PDHX: variants seen among roughly 807,000 people sequenced by gnomAD.
PDHX encodes pyruvate dehydrogenase protein X component, mitochondrial.
A neutral mutation model predicts 55.3 loss-of-function variants in PDHX; 33 were observed. The observed-to-expected ratio is 0.60, with a 90% CI of 0.45 to 0.80. PDHX has a LOEUF of 0.80. Among genes scored for constraint, PDHX ranks in the 30% least tolerant of loss-of-function variants. The pLI is 0.00. For synonymous variants in PDHX, 226 were observed against 219.4 expected, an observed-to-expected ratio of 1.03 and a Z score of -0.27; for missense variants, 622 against 619.9, an observed-to-expected ratio of 1.00 and a Z score of -0.04.
At chr11:34,942,558 GTCTT>G in intron 2 of PDHX, among the ~76,000 whole-genome samples, 1 of 152,166 alleles carries the variant, frequency 6.6e-6, no homozygotes, top group East Asian at 1.9e-4. Flanking sequence ...CTGCCAAGGA[GTCTT>G]TCTAAGTTAT....
chr11:34,965,822 T>C (rs1855118605), intron 5 of PDHX, among the ~76,000 whole-genome samples: 1 of 152,188 alleles, frequency 6.6e-6, no homozygotes, highest in African/African-American at 2.4e-5. Context: ...CTGAAGTTCT[T>C]TTTAGATTAT....
At chr11:34,965,907 A>G (rs1198639636) in intron 5 of PDHX, among the ~76,000 whole-genome samples, 1 of 152,216 alleles carries the variant, frequency 6.6e-6, no homozygotes, top group Non-Finnish European at 1.5e-5. Context: ...TGTTCCAAAA[A>G]TTATTTTAAG....
At chr11:34,984,389 C>A (rs1397997890) in intron 8 of PDHX, among the ~76,000 whole-genome samples, 181 bp from the exon 9 acceptor site, 2 of 152,144 alleles carry the variant, frequency 1.3e-5, no homozygotes, top group African/African-American at 2.4e-5. Flanking sequence ...TTTAATTATT[C>A]TTGGCAAACA....
In PDHX at chr11:34,974,765, C is replaced by T. The variant is rs184922476; in HGVS notation, c.965-3359C>T. On this transcript the variant is annotated intron_variant, in intron 7 of 10. Coordinates refer to ENST00000227868, the MANE Select transcript of PDHX (RefSeq NM_003477.3). ...TCTACAAAAAAATTGAAAAACTAGT[C>T]GGGCAGATGGCATATGCCTGTAGTC... Among the ~76,000 whole-genome samples the T allele has an allele frequency of 1.3e-3, 195 of 152,096 alleles. No individual in the cohort carries two copies. In the Middle Eastern group the frequency reaches 0.014, roughly 11 times the overall value.
chr11:34,959,667 G>C (rs1854979909), intron 4 of PDHX, among the ~76,000 whole-genome samples: 1 of 152,090 alleles, frequency 6.6e-6, no homozygotes, highest in Non-Finnish European at 1.5e-5. Context: ...ATTATTCACA[G>C]TAGCAAAATG....
intron 3 of PDHX, among the ~76,000 whole-genome samples, chr11:34,948,093 T>A (rs2915187): frequency 0.8 from 122,233 of 152,062 alleles, 49,332 homozygotes; most frequent in African/African-American, 0.84. Context: ...AAATTCTTCA[T>A]CCCCTGTGCC....
intron 7 of PDHX, among the ~76,000 whole-genome samples, chr11:34,974,632 G>A (rs903092734): frequency 6.6e-6 from 1 of 152,088 alleles, no homozygotes; most frequent in African/African-American, 2.4e-5. Context: ...TCCCACTAAT[G>A]GCGCACCAAT....
Position 34,945,302 on chromosome 11 carries a change from G to A in PDHX, c.242-2204G>A, listed in dbSNP as rs566434831. 2.6e-5 allele frequency among the ~76,000 whole-genome samples: 4 copies of A among 152,132 alleles called. No homozygotes were observed. The East Asian group carries it at 7.7e-4, about 29-fold the overall frequency. On this transcript the variant is annotated intron_variant, in intron 2 of 10. Coordinates refer to ENST00000227868, the MANE Select transcript of PDHX (RefSeq NM_003477.3). ...CTCAAACATTACTTTAAAAATACTA[G>A]TAGTTAACATTTTAGTAATTTTCAC...
In PDHX at chr11:34,995,123, T is replaced by G. The variant is rs778226421; in HGVS notation, c.1457T>G (p.Phe486Cys). The G allele has an allele frequency of 6.2e-7, 1 of 1,614,030 alleles. No individual in the cohort carries two copies. The highest frequency in any genetic ancestry group is 8.5e-7 in the Non-Finnish European group (1 of 1,179,914). Residue 486 changes from phenylalanine to cysteine, a missense_variant, in exon 11 of 11, where the codon TTT becomes TGT. Physicochemically the swap from Phe to Cys is radical, Grantham distance 205. Coordinates refer to ENST00000227868, the MANE Select transcript of PDHX (RefSeq NM_003477.3). ...GTTGATGACGAACTGGCAACCAGGT[T>G]TCTTAAAAGTTTTAAAGCAAACCTA... ...RVVDDELATR[F>C]LKSFKANLEN...
At chr11:34,979,979 G>A (rs1432538664) in intron 8 of PDHX, among the ~76,000 whole-genome samples, 1 of 147,866 alleles carries the variant, frequency 6.8e-6, no homozygotes, top group Non-Finnish European at 1.5e-5. Context: ...ATCTGAACCT[G>A]CTTCTATTTT....
chr11:34,957,341 A>G (rs775930431), intron 3 of PDHX, 43 bp from the exon 4 acceptor site: 3 of 1,274,768 alleles, frequency 2.4e-6, no homozygotes, highest in Non-Finnish European at 3.4e-6. Context: ...TAATGCAGTC[A>G]TGGGGTTTTA....
chr11:34,939,502 T>TGTGC (rs1554985375), intron 2 of PDHX, among the ~76,000 whole-genome samples: 3 of 107,144 alleles, frequency 2.8e-5, no homozygotes, highest in African/African-American at 1.0e-4. Flanking sequence ...TGTGTGTGTG[T>TGTGC]GTGCACTTGC....
At chr11:34,937,466 G>A (rs1264520967) in intron 2 of PDHX, among the ~76,000 whole-genome samples, 2 of 149,340 alleles carry the variant, frequency 1.3e-5, no homozygotes, top group Non-Finnish European at 3.0e-5. Flanking sequence ...TTTGGTGGCG[G>A]GGTGGGTGGA....
chr11:34,956,415 G>C (rs773501297), intron 3 of PDHX, among the ~76,000 whole-genome samples: 2 of 152,000 alleles, frequency 1.3e-5, no homozygotes, highest in Non-Finnish European at 2.9e-5. Context: ...ATTAGTGGAC[G>C]TCCTGCAGCC....
In PDHX at chr11:34,931,471, G is replaced by A; in HGVS notation, c.228G>A (p.Trp76Ter). The change falls in exon 2 of 11, where the codon TGG becomes TGA. Residue 76 changes from tryptophan to a stop codon, truncating the protein, a stop_gained. Coordinates refer to ENST00000227868, the MANE Select transcript of PDHX (RefSeq NM_003477.3). LOFTEE classifies it high-confidence loss of function. ...PTMEEGNIVK[W>*]LKKEGEAVSA... is the part of the protein sequence containing the mutation. The stretch of plus-strand genomic sequence containing the variant: ...TGGAAGAAGGAAACATTGTGAAATG[G>A]CTGAAAAAGGAAGGTGAGGAGGTAC... 1.3e-6 allele frequency: 2 copies of A among 1,595,034 alleles called. No individual in the cohort carries two copies. The highest frequency in any genetic ancestry group is 1.7e-6 in the Non-Finnish European group (2 of 1,164,058).
At chr11:34,983,723 T>C (rs898532340) in intron 8 of PDHX, among the ~76,000 whole-genome samples, 7 of 151,948 alleles carry the variant, frequency 4.6e-5, no homozygotes, top group African/African-American at 1.4e-4. Flanking sequence ...ACAAGGGAGG[T>C]GAAGGACTTC....
chr11:34,918,190 C>A (rs1853783400), intron 1 of PDHX, among the ~76,000 whole-genome samples: 1 of 151,770 alleles, frequency 6.6e-6, no homozygotes, highest in Admixed American at 6.6e-5. Flanking sequence ...GTAATCCCAG[C>A]ACTTTGGGAG....
At chr11:34,986,344 T>G (rs1855643620) in intron 9 of PDHX, among the ~76,000 whole-genome samples, 1 of 151,856 alleles carries the variant, frequency 6.6e-6, no homozygotes, top group Non-Finnish European at 1.5e-5. Flanking sequence ...AGCGTTTATT[T>G]GGTCAGTTCA....
At chr11:34,917,851 C>A (rs1392209567) in intron 1 of PDHX, among the ~76,000 whole-genome samples, 1 of 152,170 alleles carries the variant, frequency 6.6e-6, no homozygotes, top group East Asian at 1.9e-4. Flanking sequence ...TCTCTTCCCT[C>A]CTCCAAGTTT....
Sources: allele counts gnomAD v4.1 joint callset (sites outside exome capture counted in the v4.1 genomes callset), GRCh38; gene constraint gnomAD v4.1.1; transcripts MANE v1.5; gene names NCBI Gene and HGNC (gene_info 2026-07-23, HGNC 2026-07-21).